Variants in DGKI observed in about 807,000 individuals in gnomAD.
DGKI encodes the protein diacylglycerol kinase iota.
Under a neutral mutation model 147.5 loss-of-function variants are expected in DGKI, and 55 were observed. The observed-to-expected ratio is 0.37, with a 90% CI of 0.30 to 0.47. The LOEUF (loss-of-function observed/expected upper bound fraction) is 0.47, where lower values mean the gene tolerates loss of function less well. Among genes scored for constraint, DGKI ranks in the 20% least tolerant of loss-of-function variants. The pLI is 1.00. For synonymous variants in DGKI, 469 were observed against 477.1 expected (o/e 0.98, Z 0.22); for missense variants, 1,007 against 1,323.8 (o/e 0.76, Z 3.71).
chr7:137,800,872 T>C (rs911175577), intron 1 of DGKI, among the ~76,000 whole-genome samples: 1 of 152,196 alleles, frequency 6.6e-6, no homozygotes, highest in Admixed American at 6.5e-5. Context: ...CATCTCCCAG[T>C]TGATCCTCAA....
chr7:137,536,194 C>T (rs1817514270), intron 20 of DGKI, among the ~76,000 whole-genome samples: 1 of 152,062 alleles, frequency 6.6e-6, no homozygotes, highest in South Asian at 2.1e-4. Flanking sequence ...GAGATAAATG[C>T]CTTAAATGCT....
chr7:137,714,160 A>G, intron 1 of DGKI, among the ~76,000 whole-genome samples: 1 of 152,196 alleles, frequency 6.6e-6, no homozygotes, highest in East Asian at 1.9e-4. Flanking sequence ...ATTTGCTATT[A>G]TCAATATTGA....
At chr7:137,639,751 G>A (rs1218813969) in intron 6 of DGKI, among the ~76,000 whole-genome samples, 1 of 152,148 alleles carries the variant, frequency 6.6e-6, no homozygotes, top group Non-Finnish European at 1.5e-5. Context: ...CAAAGACCCA[G>A]GGAGCAGTGA....
chr7:137,437,394 T>C lies in DGKI; in HGVS notation c.2761+6683A>G, dbSNP rs566469897. 4.6e-5 allele frequency among the ~76,000 whole-genome samples: 7 copies of C among 152,220 alleles called. No individual in the cohort carries two copies. The South Asian group carries it at 1.0e-3, about 23-fold the overall frequency. The stretch of plus-strand genomic sequence containing the variant: ...AAAACATAATTTTAAAAATACAACA[T>C]ACAAATTGTCACTAAAAATATAAAG... On this transcript the variant is annotated intron_variant, in intron 28 of 32. Coordinates refer to ENST00000614521, the MANE Select transcript of DGKI (RefSeq NM_001321708.2).
chr7:137,724,538 C>A (rs1196491650), intron 1 of DGKI, among the ~76,000 whole-genome samples: 1 of 152,096 alleles, frequency 6.6e-6, no homozygotes, highest in Non-Finnish European at 1.5e-5. Context: ...ATCTTGAAAG[C>A]AGAGCCACTT....
chr7:137,670,321 A>T (rs1464231283), intron 3 of DGKI, among the ~76,000 whole-genome samples: 1 of 152,162 alleles, frequency 6.6e-6, no homozygotes, highest in African/African-American at 2.4e-5. Flanking sequence ...TGAAGTGAGC[A>T]GTATCAGCAC....
chr7:137,578,205 T>G (rs1469588153), intron 16 of DGKI, 65 bp downstream of exon 16: 8 of 1,189,182 alleles, frequency 6.7e-6, no homozygotes, highest in Non-Finnish European at 1.0e-5. Context: ...GTTTGCAACT[T>G]TATGATACAC....
chr7:137,441,592 A>AT (rs768342924), intron 28 of DGKI, among the ~76,000 whole-genome samples: 6 of 152,172 alleles, frequency 3.9e-5, no homozygotes, highest in Non-Finnish European at 7.3e-5. Context: ...TAAGCTCTCT[A>AT]TGCAAGAGTA....
In DGKI at chr7:137,638,363, A is replaced by G. The variant is rs193161077; in HGVS notation, c.804+7109T>C. Among the ~76,000 whole-genome samples the G allele has an allele frequency of 3.5e-3, 502 of 142,926 alleles. 14 individuals carry two copies. The highest frequency in any genetic ancestry group is 0.029 in the Admixed American group (412 of 14,216). 93.8% of individuals were successfully genotyped at this position (142,926 alleles called of 152,430 possible). A position where few individuals can be genotyped will look rare whatever the true frequency, so the allele number is the denominator to read the frequency against. On this transcript the variant is annotated intron_variant, in intron 6 of 32. Transcript: ENST00000614521. ...TGTCATTATTTTCTTCATTTCCCCA[A>G]TGCTTCTTTTTTTTTCTATTTTTGC...
intron 6 of DGKI, among the ~76,000 whole-genome samples, chr7:137,625,995 T>A (rs1362663876): frequency 6.6e-6 from 1 of 152,186 alleles, no homozygotes; most frequent in African/African-American, 2.4e-5. Context: ...TCCTTCCACA[T>A]GTGTTTCACA....
intron 1 of DGKI, among the ~76,000 whole-genome samples, chr7:137,754,212 C>A (rs1272320369): frequency 1.3e-5 from 2 of 152,144 alleles, no homozygotes; most frequent in Non-Finnish European, 2.9e-5. Flanking sequence ...CCCCCGGTGG[C>A]TGCTTCACTC....
At chr7:137,768,252 C>T (rs1796077395) in intron 1 of DGKI, among the ~76,000 whole-genome samples, 1 of 151,986 alleles carries the variant, frequency 6.6e-6, no homozygotes, top group Non-Finnish European at 1.5e-5. Flanking sequence ...CTACAATTGG[C>T]AAACCAAATG....
At chr7:137,438,586 G>T (rs191743652) in intron 28 of DGKI, among the ~76,000 whole-genome samples, 5 of 152,006 alleles carry the variant, frequency 3.3e-5, no homozygotes, top group Non-Finnish European at 4.4e-5. Context: ...AGGTTTAAGC[G>T]CATGGATACG....
intron 28 of DGKI, among the ~76,000 whole-genome samples, chr7:137,413,746 G>A (rs1011692989): frequency 1.1e-4 from 16 of 152,238 alleles, no homozygotes; most frequent in African/African-American, 3.9e-4. Flanking sequence ...GATGAACAGT[G>A]AGTACATATG....
intron 1 of DGKI, among the ~76,000 whole-genome samples, chr7:137,792,205 T>C (rs1796876680): frequency 1.3e-5 from 2 of 151,996 alleles, no homozygotes; most frequent in African/African-American, 4.8e-5. Flanking sequence ...TCCCTTAGGA[T>C]GGGTGTGGAC....
chr7:137,464,256 CAAAAAAAAAAA>C (rs58290482), intron 26 of DGKI, among the ~76,000 whole-genome samples: 12,077 of 47,904 alleles, frequency 0.25, 1,804 homozygotes, highest in African/African-American at 0.47. Flanking sequence ...GACTCCATCT[CAAAAAAAAAAA>C]AAAAAAAAAA....
chr7:137,552,711 G>A (rs1455773620), intron 19 of DGKI, 143 bp from the exon 20 acceptor site: 15 of 757,574 alleles, frequency 2.0e-5, no homozygotes, highest in Non-Finnish European at 2.5e-5. Context: ...GAGTTCCAGA[G>A]CAGCCTGGCC....
In DGKI at chr7:137,577,256, C is replaced by T; in HGVS notation, c.1727G>A (p.Ser576Asn). ...AACATGTTTGGATAGATCTCTAGAA[C>T]TTCTCTGTAGGAAGTCAGAAAAAGC... The part of the protein sequence containing the change: ...GAAFSDFLQR[S>N]SRDLSKHVKV... Residue 576 changes from serine to asparagine, a missense_variant, in exon 17 of 33, where the codon AGT becomes AAT. By Grantham distance (46) the Ser-to-Asn change is conservative (BLOSUM62 1). Coordinates refer to ENST00000614521, the MANE Select transcript of DGKI (RefSeq NM_001321708.2). The T allele has an allele frequency of 6.2e-7, 1 of 1,600,952 alleles. No individual in the cohort carries two copies. The highest frequency in any genetic ancestry group is 8.5e-7 in the Non-Finnish European group (1 of 1,171,376).
intron 12 of DGKI, among the ~76,000 whole-genome samples, chr7:137,593,757 AAT>A (rs1819696647): frequency 6.6e-6 from 1 of 152,228 alleles, no homozygotes; most frequent in African/African-American, 2.4e-5. Context: ...AGATAAATAA[AAT>A]ATATTATAAA....
Sources: allele counts gnomAD v4.1 joint callset (sites outside exome capture counted in the v4.1 genomes callset), GRCh38; gene constraint gnomAD v4.1.1; transcripts MANE v1.5; gene names NCBI Gene and HGNC (gene_info 2026-07-23, HGNC 2026-07-21).